FAXC: variants seen among roughly 807,000 people sequenced by gnomAD.
FAXC encodes failed axon connections homolog, metaxin like GST domain containing, also known as failed axon connections homolog.
Under a neutral mutation model 41.9 loss-of-function variants are expected in FAXC, and 10 were observed. The observed-to-expected ratio is 0.24, with a 90% CI of 0.15 to 0.41. The LOEUF (loss-of-function observed/expected upper bound fraction) is 0.41. FAXC is among the 10% of genes least tolerant of loss of function. The probability of loss-of-function intolerance (pLI) is 1.00; values close to 1 mark genes in which losing one functional copy is unlikely to be tolerated. For missense variants in FAXC, 399 were observed against 510.9 expected, an observed-to-expected ratio of 0.78 and a Z score of 2.11; for synonymous variants, 183 against 183.8, an observed-to-expected ratio of 1.00 and a Z score of 0.03.
chr6:99,306,051 T>C (rs1325963510), intron 4 of FAXC, among the ~76,000 whole-genome samples: 2 of 151,954 alleles, frequency 1.3e-5, no homozygotes, highest in African/African-American at 4.8e-5. Flanking sequence ...GGCTGGCAGC[T>C]ACATTAGAGT....
At chr6:99,289,929 G>A (rs930401607) in intron 5 of FAXC, among the ~76,000 whole-genome samples, 1 of 151,632 alleles carries the variant, frequency 6.6e-6, no homozygotes, top group South Asian at 2.1e-4. Context: ...GCCACCACTC[G>A]GCACCAGAAG....
chr6:99,320,031 C>T (rs1772534046), intron 4 of FAXC, among the ~76,000 whole-genome samples: 1 of 152,126 alleles, frequency 6.6e-6, no homozygotes, highest in South Asian at 2.1e-4. Flanking sequence ...TTGTCAGAAC[C>T]CTCCCAAAAC....
rs1770458755 is a variant in FAXC, at chr6:99,272,726, TA to T, written c.*8437del. 6.6e-6 allele frequency: 1 copy of T among 152,176 alleles called. No individual in the cohort carries two copies. The highest frequency in any genetic ancestry group is 2.4e-5 in the African/African-American group (1 of 41,448). The allele number at this position is 152,176 out of a possible 1,614,324, so 9.4% of individuals were successfully genotyped here. ...TGAAATTCTATCAAAGTTATATGCC[TA>T]AAAAATTCATTACCTCTGTTTTAAT... On this transcript the variant is annotated 3_prime_UTR_variant, in exon 6 of 6. Coordinates refer to ENST00000389677, the MANE Select transcript of FAXC (RefSeq NM_032511.4).
At chr6:99,349,076 G>A in intron 1 of FAXC, 31 bp downstream of exon 1, 2 of 1,606,380 alleles carry the variant, frequency 1.2e-6, no homozygotes, top group Non-Finnish European at 1.7e-6. Flanking sequence ...CCCTCTCTGC[G>A]CCCCTGTGCG....
Position 99,349,391 on chromosome 6 carries a change from G to C in FAXC, c.-19C>G, listed in dbSNP as rs1328336100. The stretch of plus-strand genomic sequence containing the variant: ...AGTGCATGCTGCGCGGCTGGCTCCG[G>C]GCGCCCCTCCCAGGGCCCGCGCCGC... On this transcript the variant is annotated 5_prime_UTR_variant, in exon 1 of 6. Transcript: ENST00000389677. 1 of 1,590,044 alleles carries C rather than the reference G, an allele frequency of 6.3e-7. No individual in the cohort carries two copies. The highest frequency in any genetic ancestry group is 8.6e-7 in the Non-Finnish European group (1 of 1,169,064).
chr6:99,271,811 A>C lies in FAXC; in HGVS notation c.*9353T>G, dbSNP rs2128443099. 1 of 152,340 alleles carries C rather than the reference A, an allele frequency of 6.6e-6. No individual in the cohort carries two copies. The highest frequency in any genetic ancestry group is 1.5e-5 in the Non-Finnish European group (1 of 68,020). The allele number at this position is 152,340 out of a possible 1,614,324, so 9.4% of individuals were successfully genotyped here. The stretch of plus-strand genomic sequence containing the variant: ...CTGATTGTAATTTGCTCTAAATGGT[A>C]AAAAGCTAATATTTGAGTAACAGTA... On this transcript the variant is annotated 3_prime_UTR_variant, in exon 6 of 6. Coordinates refer to ENST00000389677, the MANE Select transcript of FAXC (RefSeq NM_032511.4).
rs185890943 is a variant in FAXC, at chr6:99,295,692, T to C, written c.824-3872A>G. On this transcript the variant is annotated intron_variant, in intron 4 of 5. Transcript: ENST00000389677. ...GGTTTCTCTGAAGAATCCTGACTAA[T>C]ACACCTTCGCAGGGCATCATATCAG... 4.1e-3 allele frequency among the ~76,000 whole-genome samples: 620 copies of C among 152,322 alleles called. 4 individuals are homozygous for C. Among genetic ancestry groups the C allele is most frequent in the Non-Finnish European group, 4.2e-3 (287 of 68,026 alleles).
chr6:99,304,394 A>T (rs886274266), intron 4 of FAXC, among the ~76,000 whole-genome samples: 10 of 152,230 alleles, frequency 6.6e-5, no homozygotes, highest in African/African-American at 2.4e-4. Context: ...AGAATTCAGG[A>T]CCAAGAAAAA....
rs1291900225 is a variant in FAXC at position 99,322,027 on chromosome 6, G to A, written c.823+1417C>T. ...CCCAGTTGTGAGCCTGGTTTCTGAG[G>A]CCAAGAGTCCAGCATTAAGTTTCCA... On this transcript the variant is annotated intron_variant, in intron 4 of 5. Coordinates refer to ENST00000389677, the MANE Select transcript of FAXC (RefSeq NM_032511.4). 3.9e-5 allele frequency among the ~76,000 whole-genome samples: 6 copies of A among 152,202 alleles called. No homozygotes were observed. In the South Asian group the frequency reaches 8.3e-4, roughly 21 times the overall value.
At chr6:99,345,428 GAC>G (rs1233417137) in intron 1 of FAXC, among the ~76,000 whole-genome samples, 6 of 152,040 alleles carry the variant, frequency 3.9e-5, no homozygotes, top group African/African-American at 1.5e-4. Context: ...GTTGGTTACA[GAC>G]AGAGTCTGAA....
intron 4 of FAXC, among the ~76,000 whole-genome samples, chr6:99,308,620 A>G (rs560496329): frequency 1.2e-4 from 19 of 152,294 alleles, no homozygotes; most frequent in African/African-American, 4.6e-4. Flanking sequence ...CAAAAAAAAA[A>G]AAAAAACTGG....
At chr6:99,311,626 C>T (rs1772162669) in intron 4 of FAXC, among the ~76,000 whole-genome samples, 1 of 152,080 alleles carries the variant, frequency 6.6e-6, no homozygotes, top group Non-Finnish European at 1.5e-5. Flanking sequence ...ATCATGAAAC[C>T]ATTAGAACTA....
At chr6:99,282,038 T>C (rs1185536361) in intron 5 of FAXC, among the ~76,000 whole-genome samples, 1 of 152,194 alleles carries the variant, frequency 6.6e-6, no homozygotes, top group East Asian at 1.9e-4. Flanking sequence ...TGAGAAAAGT[T>C]ACATTCAGTG....
rs1038616718 is a variant in FAXC at position 99,277,938 on chromosome 6, A to G, written c.*3226T>C. 1.3e-5 allele frequency: 2 copies of G among 152,206 alleles called. No homozygotes were observed. The highest frequency in any genetic ancestry group is 4.8e-5 in the African/African-American group (2 of 41,456). The allele number at this position is 152,206 out of a possible 1,614,324, so 9.4% of individuals were successfully genotyped here. ...CTATACATTTCTATGACTCTACATT[A>G]TCTCTCAAACAAATCTAAGCAAGAC... On this transcript the variant is annotated 3_prime_UTR_variant, in exon 6 of 6. Coordinates refer to ENST00000389677, the MANE Select transcript of FAXC (RefSeq NM_032511.4).
intron 3 of FAXC, among the ~76,000 whole-genome samples, chr6:99,328,335 T>A (rs1448807141): frequency 6.6e-6 from 1 of 152,208 alleles, no homozygotes; most frequent in Non-Finnish European, 1.5e-5. Context: ...TGAGTGCCCT[T>A]ATAAAAGAGA....
chr6:99,305,567 T>C (rs1446433966), intron 4 of FAXC, among the ~76,000 whole-genome samples: 2 of 152,094 alleles, frequency 1.3e-5, no homozygotes, highest in African/African-American at 2.4e-5. Context: ...CATATGCCTT[T>C]AGTGAAAATT....
intron 4 of FAXC, among the ~76,000 whole-genome samples, chr6:99,316,166 C>CCA (rs1772343066): frequency 7.4e-6 from 1 of 134,998 alleles, no homozygotes; most frequent in African/African-American, 2.6e-5. Flanking sequence ...CGCCCCCCCC[C>CCA]ACCCACAAGG....
At position 99,340,116 on chromosome 6, in the gene FAXC, T is replaced by C. The variant is rs564498559; in HGVS notation, c.402+2782A>G. Among the ~76,000 whole-genome samples, 8 of 152,284 alleles carry C rather than the reference T, an allele frequency of 5.3e-5. No individual in the cohort carries two copies. The East Asian group carries it at 7.7e-4, about 15-fold the overall frequency. On this transcript the variant is annotated intron_variant, in intron 2 of 5. Coordinates refer to ENST00000389677, the MANE Select transcript of FAXC (RefSeq NM_032511.4). ...AGATTAACATCAATTTTCTTTTTTT[T>C]TGAGACAGGGTCTCACTCTGTCTCC...
intron 5 of FAXC, among the ~76,000 whole-genome samples, chr6:99,290,471 G>A (rs1054769713): frequency 2.6e-5 from 4 of 152,026 alleles, no homozygotes; most frequent in Non-Finnish European, 5.9e-5. Flanking sequence ...GGAGGCCGAG[G>A]TGGGCAGATC....
Sources: allele counts gnomAD v4.1 joint callset (sites outside exome capture counted in the v4.1 genomes callset), GRCh38; gene constraint gnomAD v4.1.1; transcripts MANE v1.5; gene names NCBI Gene and HGNC (gene_info 2026-07-23, HGNC 2026-07-21).